Variants in PRDM16 observed in about 807,000 individuals in gnomAD.
PRDM16 encodes the protein PR/SET domain 16.
PRDM16 carries 23 observed loss-of-function variants against 110.6 expected under a neutral mutation model. The observed-to-expected ratio is 0.21, with a 90% CI of 0.15 to 0.29. The LOEUF (loss-of-function observed/expected upper bound fraction) is 0.29, where lower values mean the gene tolerates loss of function less well. Among genes scored for constraint, PRDM16 ranks in the 10% least tolerant of loss-of-function variants. The pLI is 1.00. For synonymous variants in PRDM16, 799 were observed against 781.8 expected, an observed-to-expected ratio of 1.02 and a Z score of -0.37; for missense variants, 1,615 against 1,794.3, an observed-to-expected ratio of 0.90 and a Z score of 1.81.
At chr1:3,426,943 G>A (rs1000067441) in intron 14 of PRDM16, among the ~76,000 whole-genome samples, 3 of 152,048 alleles carry the variant, frequency 2.0e-5, no homozygotes, top group Non-Finnish European at 2.9e-5. Context: ...ATGCACACAC[G>A]TGTACATAAC....
intron 1 of PRDM16, among the ~76,000 whole-genome samples, chr1:3,162,533 G>A (rs370297246): frequency 2.6e-5 from 4 of 152,242 alleles, no homozygotes; most frequent in South Asian, 2.1e-4. Flanking sequence ...CACGAAGGTC[G>A]TCATTACGGA....
At position 3,243,995 on chromosome 1, in the gene PRDM16, G is replaced by T. The variant is rs561359226; in HGVS notation, c.388-92G>T. On this transcript the variant is annotated intron_variant, in intron 2 of 16. Transcript: ENST00000270722. The surrounding 1 kb of genome is among the most constrained non-coding windows in gnomAD (Gnocchi z 5.5). ...CTGGGTCCCACCCTGTGACTTTTGG[G>T]GACAGTGGTTCTGCCCCCACCATTT... 7.6e-7 allele frequency: 1 copy of T among 1,315,418 alleles called. No individual in the cohort carries two copies. The highest frequency in any genetic ancestry group is 1.7e-5 in the Admixed American group (1 of 59,248). The allele number at this position is 1,315,418 out of a possible 1,614,324, so 81.5% of individuals were successfully genotyped here.
rs772822432 is a variant in PRDM16 at position 3,412,566 on chromosome 1, A to G, written c.2369A>G (p.Lys790Arg). The change falls in exon 9 of 17, where the codon AAG becomes AGG. Residue 790 changes from lysine (K) to arginine (R), a missense_variant. By Grantham distance (26) the Lys-to-Arg change is conservative. Transcript: ENST00000270722. ...KDVKPILPMPKGPSAPASGEE... is the reference protein window; with the variant it reads ...KDVKPILPMPRGPSAPASGEE... Reference sequence around the variant, plus strand: ...GTGAAGCCCATCCTGCCCATGCCCAAGGGCCCCTCGGCCCCCGCATCCGGC... The same window carrying G: ...GTGAAGCCCATCCTGCCCATGCCCAGGGGCCCCTCGGCCCCCGCATCCGGC... 1.1e-5 allele frequency: 18 copies of G among 1,609,848 alleles called. No individual in the cohort carries two copies. In the South Asian group the frequency reaches 1.8e-4, roughly 16 times the overall value.
chr1:3,234,505 G>C (rs903831927), intron 2 of PRDM16, among the ~76,000 whole-genome samples: 1 of 152,210 alleles, frequency 6.6e-6, no homozygotes, highest in Non-Finnish European at 1.5e-5. Flanking sequence ...CTAGCCGCCT[G>C]CCCGAGACGC....
chr1:3,181,693 GTCTT>G lies in PRDM16; in HGVS notation c.38-4431_38-4428del, dbSNP rs1478111399. ...TCTTACACGCGCAGTCTTACACACGGTCTTACACACGGTCTTACACACGCAGTCT... is the reference window on the plus strand; with the variant it reads ...TCTTACACGCGCAGTCTTACACACGGACACACGGTCTTACACACGCAGTCT... On this transcript the variant is annotated intron_variant, in intron 1 of 16. Transcript: ENST00000270722. Among the ~76,000 whole-genome samples the G allele has an allele frequency of 1.2e-4, 15 of 123,126 alleles. 1 individual carries two copies. The highest frequency in any genetic ancestry group is 4.0e-4 in the African/African-American group (12 of 30,058). The allele number at this position is 123,126 out of a possible 152,430, so 80.8% of individuals were successfully genotyped here. A position where few individuals can be genotyped will look rare whatever the true frequency, so the allele number is the denominator to read the frequency against.
chr1:3,231,951 A>G (rs1639427523), intron 2 of PRDM16, among the ~76,000 whole-genome samples: 1 of 152,192 alleles, frequency 6.6e-6, no homozygotes, highest in African/African-American at 2.4e-5. Flanking sequence ...TTTTCCCAGC[A>G]GATCAGCCCG....
intron 2 of PRDM16, among the ~76,000 whole-genome samples, chr1:3,225,565 T>TGCGC (rs1404958020): frequency 1.1e-4 from 14 of 125,294 alleles, no homozygotes; most frequent in African/African-American, 4.9e-4. Flanking sequence ...TGTGTGTGTG[T>TGCGC]GTGTGTGTGC....
intron 2 of PRDM16, among the ~76,000 whole-genome samples, chr1:3,203,667 G>A (rs555746297): frequency 8.5e-5 from 13 of 152,290 alleles, no homozygotes; most frequent in South Asian, 4.1e-4. Flanking sequence ...TTATCTTCAC[G>A]TGGCTCCTTC....
At chr1:3,195,025 C>T (rs1382625376) in intron 2 of PRDM16, among the ~76,000 whole-genome samples, 1 of 152,242 alleles carries the variant, frequency 6.6e-6, no homozygotes, top group Non-Finnish European at 1.5e-5. Context: ...ACGTCTAAAA[C>T]CGTGAGCGCA....
intron 3 of PRDM16, among the ~76,000 whole-genome samples, chr1:3,261,547 C>A (rs3002686): frequency 0.22 from 33,365 of 152,118 alleles, 4,563 homozygotes; most frequent in African/African-American, 0.35. Context: ...CTTTCACCCT[C>A]TCCGGCAAAC....
intron 1 of PRDM16, among the ~76,000 whole-genome samples, chr1:3,079,375 G>A (rs932274168): frequency 1.4e-5 from 2 of 147,042 alleles, no homozygotes; most frequent in Non-Finnish European, 3.0e-5. Flanking sequence ...CTGCCCTGCT[G>A]GCCCAGCCCC....
chr1:3,428,152 G>A (rs1471757448), intron 14 of PRDM16, among the ~76,000 whole-genome samples: 1 of 150,284 alleles, frequency 6.7e-6, no homozygotes, highest in East Asian at 1.9e-4. Flanking sequence ...CCCCTACCCC[G>A]AGCTAGGGTG....
intron 3 of PRDM16, 78 bp from the exon 4 acceptor site, chr1:3,385,074 T>C (rs952147858): frequency 8.9e-6 from 14 of 1,565,554 alleles, no homozygotes; most frequent in Admixed American, 3.4e-5. Context: ...ACAGCCAGGT[T>C]TCTGGGTGGG....
Position 3,423,466 on chromosome 1 carries a change from G to GC in PRDM16, c.2940-2111dup, listed in dbSNP as rs1489620146. 2.0e-5 allele frequency among the ~76,000 whole-genome samples: 3 copies of GC among 152,118 alleles called. No homozygotes were observed. In the East Asian group the frequency reaches 5.8e-4, roughly 29 times the overall value. On this transcript the variant is annotated intron_variant, in intron 12 of 16. Coordinates refer to ENST00000270722, the MANE Select transcript of PRDM16 (RefSeq NM_022114.4). ...TTTGTGATAGCAAACACCAGCCCAG[G>GC]CCCCTCCTGTACAGGGCAGCACCGT...
At chr1:3,120,170 G>C (rs1019763088) in intron 1 of PRDM16, among the ~76,000 whole-genome samples, 1 of 152,212 alleles carries the variant, frequency 6.6e-6, no homozygotes, top group Non-Finnish European at 1.5e-5. Context: ...TTATCAGTTC[G>C]CAGCTTGAAA....
rs1218992820 is a variant in PRDM16, at chr1:3,190,835, A to G, written c.387+4361A>G. On this transcript the variant is annotated intron_variant, in intron 2 of 16. Coordinates refer to ENST00000270722, the MANE Select transcript of PRDM16 (RefSeq NM_022114.4). The surrounding 1 kb of genome is among the most constrained non-coding windows in gnomAD (Gnocchi z 5.0). ...TGAGTAAATCATGACATTTATCATC[A>G]TGCTGTTTATTTTGCTAATTAAGAG... 1.3e-5 allele frequency among the ~76,000 whole-genome samples: 2 copies of G among 152,198 alleles called. No individual in the cohort carries two copies. The highest frequency in any genetic ancestry group is 2.9e-5 in the Non-Finnish European group (2 of 68,040).
rs756908863 is a variant in PRDM16 at position 3,426,238 on chromosome 1, T to A, written c.3284+13T>A. 1.2e-6 allele frequency: 2 copies of A among 1,609,680 alleles called. No homozygotes were observed. Among genetic ancestry groups the A allele is most frequent in the South Asian group, 2.2e-5 (2 of 90,750 alleles). ...GAACAGAGAAACGGTAAGAAAACTA[T>A]CGCGGGCTGGGGAAAGTCTGGACCC... is the stretch of plus-strand genomic sequence containing the variant. On this transcript the variant is annotated intron_variant, in intron 14 of 16. Transcript: ENST00000270722.
At chr1:3,331,168 T>C (rs2100487811) in intron 3 of PRDM16, among the ~76,000 whole-genome samples, 1 of 152,306 alleles carries the variant, frequency 6.6e-6, no homozygotes, top group South Asian at 2.1e-4. Context: ...CTGGCCTCCA[T>C]ACCTCCAGCA....
intron 10 of PRDM16, among the ~76,000 whole-genome samples, chr1:3,416,797 G>GC (rs1179850596): frequency 1.3e-5 from 2 of 152,344 alleles, no homozygotes; most frequent in Non-Finnish European, 2.9e-5. Context: ...TGGTGCCGAG[G>GC]CCCGGGGTTT....
Sources: allele counts gnomAD v4.1 joint callset (sites outside exome capture counted in the v4.1 genomes callset), GRCh38; gene constraint gnomAD v4.1.1; non-coding constraint Gnocchi (gnomAD v3.1); transcripts MANE v1.5; gene names NCBI Gene and HGNC (gene_info 2026-07-23, HGNC 2026-07-21).